The following GRM5 variants were observed in gnomAD, a reference collection of about 807,000 sequenced individuals.
GRM5 encodes glutamate metabotropic receptor 5.
In GRM5, 19 loss-of-function variants were observed where a neutral mutation model predicts 83.1. The observed-to-expected ratio is 0.23, with a 90% CI of 0.16 to 0.34. The LOEUF is 0.34. GRM5 is among the 10% of genes least tolerant of loss of function. GRM5 has a pLI of 1.00. For synonymous variants in GRM5, 675 were observed against 633.6 expected, an observed-to-expected ratio of 1.07 and a Z score of -0.98; for missense variants, 1,160 against 1,588.3, an observed-to-expected ratio of 0.73 and a Z score of 4.58.
At chr11:88,875,521 A>G (rs889469353) in intron 2 of GRM5, among the ~76,000 whole-genome samples, 15 of 152,024 alleles carry the variant, frequency 9.9e-5, no homozygotes, top group Admixed American at 3.9e-4. Flanking sequence ...ACCCACTCCC[A>G]TGAATCACTA....
chr11:88,961,059 T>G (rs1404329248), intron 2 of GRM5, among the ~76,000 whole-genome samples: 1 of 152,194 alleles, frequency 6.6e-6, no homozygotes, highest in Non-Finnish European at 1.5e-5. Flanking sequence ...CTAAAATAAC[T>G]GCTAGATTAT....
chr11:88,573,047 A>T (rs1477952918), intron 7 of GRM5, among the ~76,000 whole-genome samples: 1 of 152,072 alleles, frequency 6.6e-6, no homozygotes, highest in Non-Finnish European at 1.5e-5. Flanking sequence ...ACTGCGGTCC[A>T]TTTTCTAATA....
chr11:88,790,762 C>G lies in GRM5; in HGVS notation c.911+59144G>C, dbSNP rs144517709. ...TGAAAGTAGGAAATATCACGATATA[C>G]TGTAGTTTGGAAAGGTAAATCTGGA... On this transcript the variant is annotated intron_variant, in intron 3 of 9. Transcript: ENST00000305447. Among the ~76,000 whole-genome samples the G allele has an allele frequency of 2.4e-3, 358 of 152,138 alleles. 4 individuals are homozygous for G. Among genetic ancestry groups the G allele is most frequent in the African/African-American group, 8.2e-3 (342 of 41,510 alleles).
chr11:88,998,187 ATAT>A (rs1360275529), intron 2 of GRM5, among the ~76,000 whole-genome samples: 1 of 152,066 alleles, frequency 6.6e-6, no homozygotes, highest in African/African-American at 2.4e-5. Flanking sequence ...TTTTAACAAA[ATAT>A]TATTAGGTAG....
intron 3 of GRM5, among the ~76,000 whole-genome samples, chr11:88,789,132 C>T (rs1943125600): frequency 6.6e-6 from 1 of 152,132 alleles, no homozygotes; most frequent in Non-Finnish European, 1.5e-5. Flanking sequence ...CAGATATGAA[C>T]TTAGGAAAGC....
chr11:88,798,585 T>C (rs1943325956), intron 3 of GRM5, among the ~76,000 whole-genome samples: 1 of 151,992 alleles, frequency 6.6e-6, no homozygotes, highest in Non-Finnish European at 1.5e-5. Context: ...AGTTTAAAAG[T>C]TATGTATTTT....
chr11:88,777,544 G>C (rs779208146), intron 3 of GRM5, among the ~76,000 whole-genome samples: 3 of 152,170 alleles, frequency 2.0e-5, no homozygotes, highest in East Asian at 1.9e-4. Flanking sequence ...CAGCTTTTCT[G>C]CTCCAGTTTC....
chr11:88,741,325 T>C (rs1942023803), intron 3 of GRM5, among the ~76,000 whole-genome samples: 1 of 152,016 alleles, frequency 6.6e-6, no homozygotes, highest in South Asian at 2.1e-4. Context: ...TTGGTTGCAA[T>C]AGGGCACCTG....
chr11:88,775,741 T>C (rs2135455520), intron 3 of GRM5, among the ~76,000 whole-genome samples: 1 of 152,348 alleles, frequency 6.6e-6, no homozygotes, highest in African/African-American at 2.4e-5. Context: ...TCCATGTAGT[T>C]GAGCAGTTTT....
chr11:88,818,287 G>A (rs566738919), intron 3 of GRM5, among the ~76,000 whole-genome samples: 2 of 152,176 alleles, frequency 1.3e-5, no homozygotes, highest in East Asian at 3.9e-4. Context: ...TCAGCAATAT[G>A]TTGTATCATG....
intron 2 of GRM5, among the ~76,000 whole-genome samples, chr11:89,018,406 G>A (rs1940909198): frequency 6.6e-6 from 1 of 152,138 alleles, no homozygotes; most frequent in African/African-American, 2.4e-5. Flanking sequence ...CATCATATCA[G>A]TACAAAGGCA....
rs372912385 is a variant in GRM5 at position 88,605,132 on chromosome 11, T to G, written c.1148-168A>C. On this transcript the variant is annotated intron_variant, in intron 4 of 9. Transcript: ENST00000305447. The stretch of plus-strand genomic sequence containing the variant: ...AACAGTACCAACATAATGGGCCTGA[T>G]AGTTATCTTCTGTATTCAGGTTTTT... Among the ~76,000 whole-genome samples the G allele has an allele frequency of 1.1e-3, 174 of 152,298 alleles. 1 individual carries two copies. In the Middle Eastern group the frequency reaches 0.014, roughly 12 times the overall value.
intron 2 of GRM5, among the ~76,000 whole-genome samples, chr11:89,023,363 A>G (rs187247850): frequency 1.3e-5 from 2 of 152,122 alleles, no homozygotes; most frequent in East Asian, 3.9e-4. Context: ...CCTACCTATT[A>G]TAATGTTAAA....
chr11:88,553,671 C>T (rs556550766), intron 8 of GRM5, among the ~76,000 whole-genome samples: 1 of 152,262 alleles, frequency 6.6e-6, no homozygotes, highest in Admixed American at 6.5e-5. Flanking sequence ...ATTGGTAGAA[C>T]TTGCTCTCAT....
chr11:88,656,864 G>T (rs1383985520), intron 3 of GRM5, among the ~76,000 whole-genome samples: 2 of 152,078 alleles, frequency 1.3e-5, no homozygotes, highest in African/African-American at 4.8e-5. Context: ...TCTAGAGATG[G>T]TTTAAAGTAT....
chr11:88,790,231 T>G (rs898443487), intron 3 of GRM5, among the ~76,000 whole-genome samples: 2 of 152,190 alleles, frequency 1.3e-5, no homozygotes, highest in African/African-American at 4.8e-5. Context: ...CCATATTTTC[T>G]TCTATCTACC....
intron 2 of GRM5, among the ~76,000 whole-genome samples, chr11:89,028,353 T>C (rs554495301): frequency 3.3e-5 from 5 of 152,176 alleles, no homozygotes; most frequent in Middle Eastern, 3.4e-3. Flanking sequence ...GAGGCCAAGG[T>C]AGGAGGATCA....
intron 2 of GRM5, among the ~76,000 whole-genome samples, chr11:89,017,551 C>T (rs1452937937): frequency 6.6e-6 from 1 of 152,068 alleles, no homozygotes; most frequent in Non-Finnish European, 1.5e-5. Flanking sequence ...TGACTTAATC[C>T]TTCCAACAAC....
intron 2 of GRM5, among the ~76,000 whole-genome samples, chr11:89,012,975 T>C (rs1009156777): frequency 6.6e-6 from 1 of 152,242 alleles, no homozygotes; most frequent in Non-Finnish European, 1.5e-5. Context: ...AAAAAACATA[T>C]GTTTGCAGAC....
Sources: allele counts gnomAD v4.1 joint callset (sites outside exome capture counted in the v4.1 genomes callset), GRCh38; gene constraint gnomAD v4.1.1; transcripts MANE v1.5; gene names NCBI Gene and HGNC (gene_info 2026-07-23, HGNC 2026-07-21).